The following RAD54L2 variants were observed in gnomAD, a reference collection of about 807,000 sequenced individuals.
RAD54L2 encodes the protein RAD54 like 2.
A neutral mutation model predicts 138.4 loss-of-function variants in RAD54L2; 27 were observed. The observed-to-expected ratio is 0.20, with a 90% CI of 0.14 to 0.27. The LOEUF is 0.27. Among genes scored for constraint, RAD54L2 ranks in the 10% least tolerant of loss-of-function variants. The probability of loss-of-function intolerance (pLI) is 1.00; values close to 1 mark genes in which losing one functional copy is unlikely to be tolerated. For synonymous variants in RAD54L2, 644 were observed against 723.2 expected, an observed-to-expected ratio of 0.89 and a Z score of 1.76; for missense variants, 1,396 against 1,890.2, an observed-to-expected ratio of 0.74 and a Z score of 4.85.
At chr3:51,601,369 G>A (rs930272894) in intron 3 of RAD54L2, among the ~76,000 whole-genome samples, 3 of 147,530 alleles carry the variant, frequency 2.0e-5, no homozygotes, top group Non-Finnish European at 4.5e-5. Flanking sequence ...GTGCAATAGC[G>A]TGATCTTGGC....
chr3:51,605,128 C>T (rs1188672773), intron 3 of RAD54L2, among the ~76,000 whole-genome samples: 5 of 139,614 alleles, frequency 3.6e-5, no homozygotes, highest in African/African-American at 5.2e-5. Flanking sequence ...CTTGATCTGT[C>T]GCCCAGGCTG....
intron 20 of RAD54L2, among the ~76,000 whole-genome samples, chr3:51,656,570 C>T (rs555102163): frequency 1.3e-5 from 2 of 152,064 alleles, no homozygotes; most frequent in Non-Finnish European, 2.9e-5. Context: ...TTGTCACTTG[C>T]GTCTACCTTT....
At chr3:51,553,434 T>C (rs986455085) in intron 2 of RAD54L2, among the ~76,000 whole-genome samples, 5 of 152,174 alleles carry the variant, frequency 3.3e-5, no homozygotes, top group Non-Finnish European at 5.9e-5. Flanking sequence ...CAGGCATGCT[T>C]TGGAGATCTT....
At chr3:51,549,543 C>T (rs888048223) in intron 2 of RAD54L2, among the ~76,000 whole-genome samples, 6 of 151,602 alleles carry the variant, frequency 4.0e-5, no homozygotes, top group Non-Finnish European at 8.8e-5. Context: ...CAGGGCGGGG[C>T]GGTGGAGGGA....
Position 51,656,123 on chromosome 3 carries a change from A to T in RAD54L2, c.3179A>T (p.Tyr1060Phe). ...TNPSMNFPIN[Y>F]LQRAGVLVQK... The stretch of plus-strand genomic sequence containing the variant: ...CCATCCATGAACTTTCCCATCAACT[A>T]CTTGCAGCGTGCAGGAGTCCTTGTG... Residue 1060 changes from tyrosine (Y) to phenylalanine (F), a missense_variant, in exon 20 of 23, where the codon TAC becomes TTC. By Grantham distance (22) the Tyr-to-Phe change is conservative. Around this residue, in one of 7 missense-constraint regions of RAD54L2, gnomAD observed 634 missense variants for 711.2 expected, o/e 0.89. Transcript: ENST00000684192. 1 of 1,613,978 alleles carries T rather than the reference A, an allele frequency of 6.2e-7. No homozygotes were observed. The highest frequency in any genetic ancestry group is 1.3e-5 in the African/African-American group (1 of 75,044).
At chr3:51,597,229 A>C (rs1274708222) in intron 3 of RAD54L2, among the ~76,000 whole-genome samples, 1 of 151,890 alleles carries the variant, frequency 6.6e-6, no homozygotes, top group Non-Finnish European at 1.5e-5. Context: ...ATTTTATAAC[A>C]AATCAAAGTC....
At chr3:51,652,982 G>A (rs1385142356) in intron 19 of RAD54L2, among the ~76,000 whole-genome samples, 1 of 152,188 alleles carries the variant, frequency 6.6e-6, no homozygotes, top group Non-Finnish European at 1.5e-5. Flanking sequence ...TACCATCAGA[G>A]TGAACAGGCA....
rs1015591600 is a variant in RAD54L2, at chr3:51,657,487, GA to G, written c.3227-91del. ...ACTGAGAGGCTGTAGGGAAACCAAT[GA>G]AGAACTGGGGTAGATGTGGGACTTT... is the stretch of plus-strand genomic sequence containing the variant. On this transcript the variant is annotated intron_variant, in intron 20 of 22. Transcript: ENST00000684192. The G allele has an allele frequency of 9.0e-6, 7 of 775,094 alleles. No individual in the cohort carries two copies. In the African/African-American group the frequency reaches 1.0e-4, roughly 11 times the overall value. 48.0% of individuals were successfully genotyped at this position (775,094 alleles called of 1,614,324 possible).
At chr3:51,585,180 T>G (rs1258020848) in intron 2 of RAD54L2, among the ~76,000 whole-genome samples, 1 of 151,752 alleles carries the variant, frequency 6.6e-6, no homozygotes. Flanking sequence ...TGTATAGATA[T>G]TCTTCAAGAA....
intron 15 of RAD54L2, 39 bp from the exon 16 acceptor site, chr3:51,643,836 C>G: frequency 6.8e-7 from 1 of 1,476,478 alleles, no homozygotes; most frequent in Non-Finnish European, 9.3e-7. Context: ...TATCCTTGCT[C>G]TAATATATCC....
chr3:51,567,560 T>C (rs12489966), intron 2 of RAD54L2, among the ~76,000 whole-genome samples: 33 of 152,326 alleles, frequency 2.2e-4, no homozygotes, highest in Admixed American at 2.2e-3. Context: ...GTGTTAATTC[T>C]GAAATTTGAA....
At position 51,565,974 on chromosome 3, in the gene RAD54L2, G is replaced by A. The variant is rs543630267; in HGVS notation, c.-55+24324G>A. 2.2e-4 allele frequency among the ~76,000 whole-genome samples: 34 copies of A among 151,718 alleles called. 1 individual carries two copies. The highest frequency in any genetic ancestry group is 1.9e-3 in the Admixed American group (29 of 15,232). On this transcript the variant is annotated intron_variant, in intron 2 of 22. Coordinates refer to ENST00000684192, the MANE Select transcript of RAD54L2 (RefSeq NM_015106.4). ...CTCCCAAGTAGCTGGGACTACAGGC[G>A]CCCGCCACCATGTCTGGCTAATTTT...
chr3:51,566,216 G>C (rs896007593), intron 2 of RAD54L2, among the ~76,000 whole-genome samples: 3 of 151,980 alleles, frequency 2.0e-5, no homozygotes, highest in African/African-American at 7.3e-5. Flanking sequence ...TTCTTTCTTT[G>C]TTCCAGTCCC....
At chr3:51,582,893 G>A (rs1699639428) in intron 2 of RAD54L2, among the ~76,000 whole-genome samples, 1 of 151,986 alleles carries the variant, frequency 6.6e-6, no homozygotes, top group Non-Finnish European at 1.5e-5. Context: ...AGCCTCCCGA[G>A]TAGCTGGGAC....
chr3:51,583,513 G>A lies in RAD54L2; in HGVS notation c.-54-6854G>A, dbSNP rs568521939. Among the ~76,000 whole-genome samples the A allele has an allele frequency of 9.9e-5, 15 of 150,950 alleles. No homozygotes were observed. The South Asian group carries it at 2.7e-3, about 27-fold the overall frequency. On this transcript the variant is annotated intron_variant, in intron 2 of 22. Transcript: ENST00000684192. ...TGGCTCACCACAACCTCCACCTCCC[G>A]GGTTCAAGCAATTATCCTGCCTCAG...
At chr3:51,655,335 C>T (rs968201850) in intron 19 of RAD54L2, among the ~76,000 whole-genome samples, 7 of 151,912 alleles carry the variant, frequency 4.6e-5, no homozygotes, top group African/African-American at 7.3e-5. Flanking sequence ...TTGGTGGCTG[C>T]TGCTTTTGTT....
intron 3 of RAD54L2, among the ~76,000 whole-genome samples, chr3:51,618,961 C>A (rs759351885): frequency 1.3e-5 from 2 of 152,152 alleles, no homozygotes; most frequent in African/African-American, 2.4e-5. Flanking sequence ...TTTTTCTAAG[C>A]TCTGTTTAAT....
At chr3:51,606,427 A>G (rs931337724) in intron 3 of RAD54L2, among the ~76,000 whole-genome samples, 1 of 152,168 alleles carries the variant, frequency 6.6e-6, no homozygotes, top group Non-Finnish European at 1.5e-5. Flanking sequence ...CGTGATGGAC[A>G]TGAGAAAAGG....
Position 51,655,962 on chromosome 3 carries a change from C to A in RAD54L2, c.3027-9C>A. 6.3e-7 allele frequency: 1 copy of A among 1,593,718 alleles called. No individual in the cohort carries two copies. Among genetic ancestry groups the A allele is most frequent in the African/African-American group, 1.3e-5 (1 of 74,466 alleles). ...AAACTCTTTTAGTGTCCTTGTCTTT[C>A]TCTTACAGGCAGCCAACTTTGAAGG... On this transcript the variant is annotated splice_polypyrimidine_tract_variant and intron_variant, in intron 19 of 22. Transcript: ENST00000684192.
Sources: allele counts gnomAD v4.1 joint callset (sites outside exome capture counted in the v4.1 genomes callset), GRCh38; gene constraint gnomAD v4.1.1; regional missense constraint gnomAD v4.1.1; transcripts MANE v1.5; gene names NCBI Gene and HGNC (gene_info 2026-07-23, HGNC 2026-07-21).